Variants in C8orf76 observed in about 807,000 individuals in gnomAD.
C8orf76 encodes the protein uncharacterized protein C8orf76.
Under a neutral mutation model 38.1 loss-of-function variants are expected in C8orf76, and 46 were observed. The ratio of observed to expected loss-of-function variants is 1.21; its 90% CI spans 0.95 to 1.54. The LOEUF is 1.54. Among genes scored for constraint, C8orf76 ranks in the 40% most tolerant of loss-of-function variants. C8orf76 has a pLI of 0.00. For synonymous variants in C8orf76, 166 were observed against 167.5 expected (o/e 0.99, Z 0.07); for missense variants, 461 against 441.6 (o/e 1.04, Z -0.39).
intron 3 of C8orf76, 29 bp from the exon 4 acceptor site, chr8:123,231,786 T>G: frequency 6.5e-7 from 1 of 1,531,188 alleles, no homozygotes; most frequent in South Asian, 1.3e-5. Context: ...GGTTAAGAAG[T>G]TTAAACTTCA....
chr8:123,225,784 G>A (rs1825024109), intron 5 of C8orf76, among the ~76,000 whole-genome samples: 1 of 152,040 alleles, frequency 6.6e-6, no homozygotes, highest in South Asian at 2.1e-4. Flanking sequence ...AATTAGCAGG[G>A]CGTGGTGGCA....
At chr8:123,220,446 A>G in intron 5 of C8orf76, 149 bp from the exon 6 acceptor site, 1 of 610,088 alleles carries the variant, frequency 1.6e-6, no homozygotes, top group South Asian at 2.4e-5. Context: ...ATGTTTGTTC[A>G]GAAGTAGTTA....
At chr8:123,233,628 T>C (rs1825354988) in intron 3 of C8orf76, among the ~76,000 whole-genome samples, 1 of 151,966 alleles carries the variant, frequency 6.6e-6, no homozygotes, top group South Asian at 2.1e-4. Flanking sequence ...ACTCCTGACC[T>C]TCGCCCACCT....
In C8orf76 at chr8:123,226,258, C is replaced by A. The variant is rs760000695; in HGVS notation, c.948+242G>T. ...TTATTGGGCATTGATGATGTTCAGGCAGGCAGGTGCTAACAAGCACTGACA... is the reference window on the plus strand; with the variant it reads ...TTATTGGGCATTGATGATGTTCAGGAAGGCAGGTGCTAACAAGCACTGACA... On this transcript the variant is annotated intron_variant, in intron 5 of 5. Transcript: ENST00000276704. 4.4e-5 allele frequency: 59 copies of A among 1,351,420 alleles called. No individual in the cohort carries two copies. In the Middle Eastern group the frequency reaches 8.2e-4, roughly 19 times the overall value. The allele number at this position is 1,351,420 out of a possible 1,614,324, so 83.7% of individuals were successfully genotyped here.
chr8:123,232,409 A>G (rs1384354077), intron 3 of C8orf76, among the ~76,000 whole-genome samples: 5 of 152,218 alleles, frequency 3.3e-5, no homozygotes, highest in Non-Finnish European at 7.3e-5. Context: ...AACCAGCGCC[A>G]ACATCTCTTG....
chr8:123,220,757 G>C (rs562783974), intron 5 of C8orf76, among the ~76,000 whole-genome samples: 1 of 152,288 alleles, frequency 6.6e-6, no homozygotes, highest in Admixed American at 6.5e-5. Flanking sequence ...GGGGATTTAA[G>C]GAGCCCGTTA....
At chr8:123,241,077 C>G (rs1436665393) in intron 1 of C8orf76, among the ~76,000 whole-genome samples, 153 bp downstream of exon 1, 2 of 152,204 alleles carry the variant, frequency 1.3e-5, no homozygotes, top group African/African-American at 4.8e-5. Context: ...GCCGCTTCCC[C>G]GTGGAGGAGG....
chr8:123,226,574 T>TTAAG lies in C8orf76; in HGVS notation c.870_873dup (p.Arg292LeufsTer8). The TTAAG allele has an allele frequency of 6.2e-7, 1 of 1,613,038 alleles. No individual in the cohort carries two copies. ...TTATCTTCAATTTCCTGCTGAGTCC[T>TTAAG]TAAGTTCCTCTCCAAAGCAAACGAT... On this transcript the variant is annotated frameshift_variant, in exon 5 of 6. Transcript: ENST00000276704. LOFTEE classifies it high-confidence loss of function.
chr8:123,224,340 G>T (rs1381911429), intron 5 of C8orf76, among the ~76,000 whole-genome samples: 1 of 152,164 alleles, frequency 6.6e-6, no homozygotes, highest in African/African-American at 2.4e-5. Flanking sequence ...GGCCAGGCAT[G>T]GTGGCTCACA....
chr8:123,237,970 G>A, intron 2 of C8orf76, 29 bp from the exon 3 acceptor site: 1 of 1,596,502 alleles, frequency 6.3e-7, no homozygotes, highest in South Asian at 1.1e-5. Flanking sequence ...ATAAAGAAAT[G>A]AAAGGAGGAA....
At chr8:123,229,867 A>AT (rs1412572344) in intron 4 of C8orf76, among the ~76,000 whole-genome samples, 1 of 152,132 alleles carries the variant, frequency 6.6e-6, no homozygotes, top group Non-Finnish European at 1.5e-5. Flanking sequence ...AAATACAAAA[A>AT]TTAGCCGGGT....
chr8:123,231,680 G>T lies in C8orf76; in HGVS notation c.435C>A (p.Asn145Lys). 6.2e-7 allele frequency: 1 copy of T among 1,613,818 alleles called. No individual in the cohort carries two copies. The change falls in exon 4 of 6, where the codon AAC (asparagine) becomes AAA (lysine). Residue 145 changes from asparagine (N) to lysine (K), a missense_variant. Transcript: ENST00000276704. ...LQLAICSSLQ[N>K]LEKTIFCLQK... The stretch of plus-strand genomic sequence containing the variant: ...GCAGGCAGAAAATTGTTTTCTCCAA[G>T]TTCTGCAAACTTGAACAAATAGCAA...
At chr8:123,231,242 A>T in intron 4 of C8orf76, 58 bp downstream of exon 4, 3 of 1,517,118 alleles carry the variant, frequency 2.0e-6, no homozygotes, top group Non-Finnish European at 2.6e-6. Flanking sequence ...AAAATTAGAA[A>T]ATAAAGCCTT....
intron 3 of C8orf76, 97 bp downstream of exon 3, chr8:123,237,701 T>C: frequency 7.0e-7 from 1 of 1,435,132 alleles, no homozygotes; most frequent in Non-Finnish European, 9.2e-7. Context: ...ACCCATAGAT[T>C]TTGCTACTAG....
At chr8:123,226,289 A>C in intron 5 of C8orf76, 1 of 1,396,334 alleles carries the variant, frequency 7.2e-7, no homozygotes, top group Non-Finnish European at 9.2e-7. Flanking sequence ...TGACAAGTAC[A>C]TGAAACACAG....
At chr8:123,227,361 A>G (rs374591964) in intron 4 of C8orf76, among the ~76,000 whole-genome samples, 1 of 151,926 alleles carries the variant, frequency 6.6e-6, no homozygotes, top group South Asian at 2.1e-4. Context: ...ATGCTGTGGA[A>G]CATGCCCAAC....
intron 5 of C8orf76, among the ~76,000 whole-genome samples, chr8:123,224,997 G>T (rs956576928): frequency 1.3e-5 from 2 of 151,990 alleles, no homozygotes; most frequent in African/African-American, 2.4e-5. Context: ...AGACTGATCA[G>T]AAGTGTTTTT....
rs576012733 is a variant in C8orf76, at chr8:123,237,790, T to C, written c.357+8A>G. ...ATGTGTGTGAAAATAAGCAATAAAA[T>C]CACTCACCAAGTTTGCAGCAATCTC... On this transcript the variant is annotated splice_region_variant and intron_variant, in intron 3 of 5. Transcript: ENST00000276704. 6.1e-5 allele frequency: 98 copies of C among 1,608,214 alleles called. No homozygotes were observed. In the South Asian group the frequency reaches 1.0e-3, roughly 17 times the overall value.
Position 123,226,658 on chromosome 8 carries a change from G to A in C8orf76, c.816-26C>T, listed in dbSNP as rs144629805. 498 of 1,574,290 alleles carry A rather than the reference G, an allele frequency of 3.2e-4. No homozygotes were observed. In the African/African-American group the frequency reaches 4.8e-3, roughly 15 times the overall value. Reference sequence around the variant, plus strand: ...CTGAAAAACCGAAAAGTCTCAATGCGTGGCGAAAAGTCCCAACGCTTCCAG... The same window carrying A: ...CTGAAAAACCGAAAAGTCTCAATGCATGGCGAAAAGTCCCAACGCTTCCAG... On this transcript the variant is annotated intron_variant, in intron 4 of 5. Transcript: ENST00000276704.
Sources: allele counts gnomAD v4.1 joint callset (sites outside exome capture counted in the v4.1 genomes callset), GRCh38; gene constraint gnomAD v4.1.1; transcripts MANE v1.5; gene names NCBI Gene and HGNC (gene_info 2026-07-23, HGNC 2026-07-21).